HTR1F: variants seen among roughly 807,000 people sequenced by gnomAD.
HTR1F encodes 5-hydroxytryptamine receptor 1F.
A neutral mutation model predicts 24.0 loss-of-function variants in HTR1F; 17 were observed. The ratio of observed to expected loss-of-function variants is 0.71; its 90% CI spans 0.48 to 1.06. The LOEUF is 1.06. Among genes scored for constraint, HTR1F ranks in the 50% least tolerant of loss-of-function variants. The pLI, the probability that HTR1F is intolerant of heterozygous loss-of-function variation, is 0.00. For synonymous variants in HTR1F, 186 were observed against 156.8 expected (o/e 1.19, Z -1.39); for missense variants, 391 against 427.8 (o/e 0.91, Z 0.76).
At chr3:87,940,496 A>G (rs1466572437) in intron 2 of HTR1F, among the ~76,000 whole-genome samples, 1 of 152,236 alleles carries the variant, frequency 6.6e-6, no homozygotes, top group Non-Finnish European at 1.5e-5. Flanking sequence ...CAAGGAAATA[A>G]GAGAGGACAC....
chr3:87,848,712 C>A (rs1333602353), intron 2 of HTR1F, among the ~76,000 whole-genome samples: 1 of 151,788 alleles, frequency 6.6e-6, no homozygotes, highest in South Asian at 2.1e-4. Flanking sequence ...AAAACCCCAT[C>A]ATCTCAGCCC....
At chr3:87,968,082 A>G (rs1705205122) in intron 2 of HTR1F, among the ~76,000 whole-genome samples, 1 of 152,226 alleles carries the variant, frequency 6.6e-6, no homozygotes, top group Non-Finnish European at 1.5e-5. Context: ...GAGATGAGAA[A>G]CTTGTTGGAA....
intron 2 of HTR1F, among the ~76,000 whole-genome samples, chr3:87,864,572 G>C (rs2107237046): frequency 1.3e-5 from 2 of 152,130 alleles, no homozygotes; most frequent in East Asian, 3.9e-4. Context: ...TCCCCTACAA[G>C]ATGAAGACTG....
chr3:87,914,576 C>T (rs935817118), intron 2 of HTR1F, among the ~76,000 whole-genome samples: 8 of 151,978 alleles, frequency 5.3e-5, no homozygotes, highest in African/African-American at 1.7e-4. Context: ...CCAGCTTTCC[C>T]CCCACTTCCC....
intron 1 of HTR1F, chr3:87,793,445 T>A: frequency 6.6e-6 from 1 of 152,058 alleles, no homozygotes; most frequent in East Asian, 1.9e-4. Flanking sequence ...AGAGAGAGCT[T>A]CTACCTCGCG....
intron 2 of HTR1F, among the ~76,000 whole-genome samples, chr3:87,847,747 A>C (rs995009506): frequency 6.6e-6 from 1 of 151,734 alleles, no homozygotes; most frequent in African/African-American, 2.4e-5. Flanking sequence ...CTCTGTATCC[A>C]TAAGATCAAG....
intron 1 of HTR1F, among the ~76,000 whole-genome samples, chr3:87,804,440 C>T (rs1704042984): frequency 6.6e-6 from 1 of 152,024 alleles, no homozygotes; most frequent in Admixed American, 6.6e-5. Flanking sequence ...AATTGTATAA[C>T]AGCATTCTCA....
intron 2 of HTR1F, among the ~76,000 whole-genome samples, chr3:87,876,959 T>C (rs187929575): frequency 2.0e-5 from 3 of 152,300 alleles, no homozygotes; most frequent in Non-Finnish European, 4.4e-5. Flanking sequence ...AATTTTATGA[T>C]ATGTGCTTTT....
intron 2 of HTR1F, among the ~76,000 whole-genome samples, chr3:87,867,826 A>G (rs1057191663): frequency 6.6e-6 from 1 of 152,182 alleles, no homozygotes; most frequent in Non-Finnish European, 1.5e-5. Flanking sequence ...GTCTTGATCT[A>G]TAATAATTCC....
At chr3:87,863,177 C>G (rs1287096537) in intron 2 of HTR1F, among the ~76,000 whole-genome samples, 2 of 152,128 alleles carry the variant, frequency 1.3e-5, no homozygotes, top group African/African-American at 4.8e-5. Context: ...AATGATCTTT[C>G]TGAAGGATTA....
At chr3:87,933,475 C>T (rs962436596) in intron 2 of HTR1F, among the ~76,000 whole-genome samples, 3 of 152,180 alleles carry the variant, frequency 2.0e-5, no homozygotes, top group Non-Finnish European at 4.4e-5. Flanking sequence ...AGCTCAAAAT[C>T]TCCTTAAGCT....
chr3:87,798,991 T>C (rs1312057104), intron 1 of HTR1F, among the ~76,000 whole-genome samples: 4 of 152,188 alleles, frequency 2.6e-5, no homozygotes, highest in Non-Finnish European at 5.9e-5. Flanking sequence ...AAGATCCTTT[T>C]GAGAGTCTCA....
chr3:87,989,478 T>C (rs973980846), intron 2 of HTR1F, among the ~76,000 whole-genome samples: 3 of 152,340 alleles, frequency 2.0e-5, no homozygotes, highest in African/African-American at 7.2e-5. Flanking sequence ...ACTACTTATA[T>C]CCACAAAGAC....
At chr3:87,955,233 G>C (rs1704918682) in intron 2 of HTR1F, among the ~76,000 whole-genome samples, 1 of 151,308 alleles carries the variant, frequency 6.6e-6, no homozygotes, top group South Asian at 2.1e-4. Flanking sequence ...TCTGGACTCT[G>C]GCAACCATTC....
intron 2 of HTR1F, among the ~76,000 whole-genome samples, chr3:87,851,160 T>C (rs1705078494): frequency 6.6e-6 from 1 of 151,786 alleles, no homozygotes; most frequent in Non-Finnish European, 1.5e-5. Context: ...AAACTATACA[T>C]ATTTAAACAT....
intron 2 of HTR1F, among the ~76,000 whole-genome samples, chr3:87,920,775 C>T (rs1703997349): frequency 6.6e-6 from 1 of 151,926 alleles, no homozygotes; most frequent in Non-Finnish European, 1.5e-5. Flanking sequence ...CTATTGAGTA[C>T]TAGGCTTAGT....
intron 2 of HTR1F, among the ~76,000 whole-genome samples, chr3:87,909,190 A>G (rs1262581779): frequency 6.6e-6 from 1 of 152,018 alleles, no homozygotes; most frequent in Non-Finnish European, 1.5e-5. Context: ...CAAAGGAGAT[A>G]GCATATGGTG....
chr3:87,937,106 C>T (rs1345462173), intron 2 of HTR1F, among the ~76,000 whole-genome samples: 8 of 127,314 alleles, frequency 6.3e-5, no homozygotes, highest in Admixed American at 3.2e-4. Context: ...AAAAAGAGGA[C>T]GGACTCCTCC....
chr3:87,865,595 T>C (rs1270046945), intron 2 of HTR1F, among the ~76,000 whole-genome samples: 1 of 152,214 alleles, frequency 6.6e-6, no homozygotes, highest in Non-Finnish European at 1.5e-5. Context: ...GTGTCTAGTT[T>C]CTTTCTCCCA....
Sources: allele counts gnomAD v4.1 joint callset (sites outside exome capture counted in the v4.1 genomes callset), GRCh38; gene constraint gnomAD v4.1.1; transcripts MANE v1.5; gene names NCBI Gene and HGNC (gene_info 2026-07-23, HGNC 2026-07-21).